LYPLA1: variants seen among roughly 807,000 people sequenced by gnomAD.
The protein encoded by LYPLA1 is lysophospholipase 1, also known as acyl-protein thioesterase 1.
Under a neutral mutation model 34.0 loss-of-function variants are expected in LYPLA1, and 17 were observed. The ratio of observed to expected loss-of-function variants is 0.50; its 90% CI spans 0.34 to 0.75. LYPLA1 has a LOEUF of 0.75. Ranked by LOEUF, LYPLA1 falls within the 30% of genes least tolerant of loss-of-function variation. The pLI, the probability that LYPLA1 is intolerant of heterozygous loss-of-function variation, is 0.01. For missense variants in LYPLA1, 203 were observed against 288.8 expected (o/e 0.70, Z 2.15); for synonymous variants, 98 against 100.8 (o/e 0.97, Z 0.17).
chr8:54,070,977 A>G (rs1486158583), intron 2 of LYPLA1, among the ~76,000 whole-genome samples: 26 of 152,194 alleles, frequency 1.7e-4, no homozygotes, highest in African/African-American at 4.8e-5. Context: ...CAAATTACAC[A>G]CTTTAAATGA....
At chr8:54,065,117 A>G (rs1806955277) in intron 3 of LYPLA1, among the ~76,000 whole-genome samples, 1 of 152,218 alleles carries the variant, frequency 6.6e-6, no homozygotes, top group Admixed American at 6.5e-5. Flanking sequence ...TCAACGTAAT[A>G]AAGAGTTCTC....
intron 6 of LYPLA1, chr8:54,054,812 T>C (rs1355761837): frequency 5.3e-6 from 2 of 376,808 alleles, no homozygotes; most frequent in Non-Finnish European, 9.4e-6. Context: ...TGTTATCAGT[T>C]TTAATTAATT....
intron 2 of LYPLA1, among the ~76,000 whole-genome samples, chr8:54,083,916 T>C (rs1246874736): frequency 6.6e-6 from 1 of 151,538 alleles, no homozygotes; most frequent in African/African-American, 2.4e-5. Flanking sequence ...GGTGGGCAGA[T>C]CACCTGAGGT....
chr8:54,053,798 A>C (rs1314386731), intron 6 of LYPLA1: 1 of 449,782 alleles, frequency 2.2e-6, no homozygotes, highest in Non-Finnish European at 4.5e-6. Context: ...AGCAAGGCCC[A>C]ACTGCTTTTC....
chr8:54,085,315 T>A (rs1808632309), intron 2 of LYPLA1, among the ~76,000 whole-genome samples: 1 of 152,198 alleles, frequency 6.6e-6, no homozygotes, highest in Admixed American at 6.5e-5. Flanking sequence ...TGGAGTGCAG[T>A]GGCGTGATCT....
intron 5 of LYPLA1, among the ~76,000 whole-genome samples, chr8:54,060,433 ATT>A (rs1806519761): frequency 6.6e-6 from 1 of 151,836 alleles, no homozygotes; most frequent in Admixed American, 6.6e-5. Flanking sequence ...CCTCCTGTGC[ATT>A]TGTTAAAAAT....
At chr8:54,095,326 T>C (rs1809600337) in intron 2 of LYPLA1, among the ~76,000 whole-genome samples, 1 of 152,168 alleles carries the variant, frequency 6.6e-6, no homozygotes, top group African/African-American at 2.4e-5. Flanking sequence ...TAAAAGACCA[T>C]ATTTTAACTT....
At chr8:54,086,188 C>T (rs145016758) in intron 2 of LYPLA1, among the ~76,000 whole-genome samples, 1 of 151,436 alleles carries the variant, frequency 6.6e-6, no homozygotes, top group African/African-American at 2.4e-5. Flanking sequence ...GGATTAAGGG[C>T]GGTGCAAGAT....
chr8:54,099,693 A>AT lies in LYPLA1; in HGVS notation c.101+1214dup, dbSNP rs534394841. ...ACAAACAAAAATCTAGCCTAATGGC[A>AT]TTTTTTTTTTTTTTGAGTCTCACTC... On this transcript the variant is annotated intron_variant, in intron 2 of 8. Transcript: ENST00000316963. 5.9e-3 allele frequency among the ~76,000 whole-genome samples: 841 copies of AT among 143,396 alleles called. 5 individuals carry two copies. Among genetic ancestry groups the AT allele is most frequent in the African/African-American group, 0.015 (586 of 39,240 alleles). 94.1% of individuals were successfully genotyped at this position (143,396 alleles called of 152,430 possible). A position where few individuals can be genotyped will look rare whatever the true frequency, so the allele number is the denominator to read the frequency against.
intron 6 of LYPLA1, chr8:54,054,842 A>T: frequency 2.2e-6 from 1 of 447,676 alleles, no homozygotes; most frequent in Non-Finnish European, 3.9e-6. Context: ...AACTGTGTTA[A>T]CTTAGAAATT....
At position 54,068,711 on chromosome 8, in the gene LYPLA1, GATAAAACT is replaced by G. The variant is rs534019386; in HGVS notation, c.102-2906_102-2899del. On this transcript the variant is annotated intron_variant, in intron 2 of 8. Transcript: ENST00000316963. ...ACTGACCAAATACCTAAATGTAAGA[GATAAAACT>G]ATAAAACTAGAAGAAAACACACATA... Among the ~76,000 whole-genome samples the G allele has an allele frequency of 6.0e-3, 912 of 152,222 alleles. 3 individuals carry two copies. The highest frequency in any genetic ancestry group is 0.01 in the Non-Finnish European group (704 of 68,002).
intron 2 of LYPLA1, among the ~76,000 whole-genome samples, chr8:54,097,624 A>C (rs1809788983): frequency 6.6e-6 from 1 of 152,192 alleles, no homozygotes; most frequent in South Asian, 2.1e-4. Flanking sequence ...CTTCTCACCC[A>C]CAGTTTTGTT....
At chr8:54,066,036 A>G (rs1266301679) in intron 2 of LYPLA1, among the ~76,000 whole-genome samples, 1 of 152,048 alleles carries the variant, frequency 6.6e-6, no homozygotes, top group Non-Finnish European at 1.5e-5. Context: ...TCCCGAGTTC[A>G]CGCCATTCTC....
chr8:54,059,889 T>A (rs1048312412), intron 5 of LYPLA1, among the ~76,000 whole-genome samples: 1 of 152,158 alleles, frequency 6.6e-6, no homozygotes, highest in Admixed American at 6.5e-5. Flanking sequence ...AACTGTACTC[T>A]AACCTGGGCG....
At chr8:54,066,448 T>C (rs1807075413) in intron 2 of LYPLA1, among the ~76,000 whole-genome samples, 1 of 152,156 alleles carries the variant, frequency 6.6e-6, no homozygotes, top group South Asian at 2.1e-4. Flanking sequence ...AATGTGTTTA[T>C]AAAGTAGGCA....
intron 5 of LYPLA1, among the ~76,000 whole-genome samples, chr8:54,060,519 G>C (rs556690830): frequency 1.2e-4 from 19 of 152,164 alleles, no homozygotes; most frequent in African/African-American, 4.6e-4. Context: ...TAAAGGAGAT[G>C]GACTCCTAAC....
At chr8:54,075,373 C>T (rs1939863551) in intron 2 of LYPLA1, among the ~76,000 whole-genome samples, 1 of 152,220 alleles carries the variant, frequency 6.6e-6, no homozygotes, top group Admixed American at 6.5e-5. Flanking sequence ...CATCAAGACA[C>T]CTGAAACCTT....
At position 54,073,456 on chromosome 8, in the gene LYPLA1, A is replaced by C. The variant is rs1214783602; in HGVS notation, c.102-7643T>G. The C allele has an allele frequency of 6.5e-6, 5 of 770,918 alleles. No homozygotes were observed. The African/African-American group carries it at 8.5e-5, about 13-fold the overall frequency. The allele number at this position is 770,918 out of a possible 1,614,324, so 47.8% of individuals were successfully genotyped here. On this transcript the variant is annotated intron_variant, in intron 2 of 8. Transcript: ENST00000316963. ...TCAGCCATTTATCTACCTGGCTGTGATGGCCTTGTGATGTATGGCATCTCA... is the reference window on the plus strand; with the variant it reads ...TCAGCCATTTATCTACCTGGCTGTGCTGGCCTTGTGATGTATGGCATCTCA...
At chr8:54,066,914 C>T (rs1180331902) in intron 2 of LYPLA1, among the ~76,000 whole-genome samples, 1 of 152,140 alleles carries the variant, frequency 6.6e-6, no homozygotes, top group Non-Finnish European at 1.5e-5. Flanking sequence ...GTGGCTCATG[C>T]TTACAAGCAC....
Sources: allele counts gnomAD v4.1 joint callset (sites outside exome capture counted in the v4.1 genomes callset), GRCh38; gene constraint gnomAD v4.1.1; transcripts MANE v1.5; gene names NCBI Gene and HGNC (gene_info 2026-07-23, HGNC 2026-07-21).